ADAMTS19: variants seen among roughly 807,000 people sequenced by gnomAD.
ADAMTS19 encodes the protein A disintegrin and metalloproteinase with thrombospondin motifs 19.
Under a neutral mutation model 153.3 loss-of-function variants are expected in ADAMTS19, and 93 were observed. The ratio of observed to expected loss-of-function variants is 0.61; its 90% CI spans 0.51 to 0.72. The LOEUF is 0.72. ADAMTS19 is among the 30% of genes least tolerant of loss of function. The pLI is 0.00. For missense variants in ADAMTS19, 1,482 were observed against 1,552.1 expected (o/e 0.95, Z 0.76); for synonymous variants, 600 against 556.6 (o/e 1.08, Z -1.10).
chr5:129,518,178 A>G (rs2126742203), intron 3 of ADAMTS19, among the ~76,000 whole-genome samples: 1 of 152,156 alleles, frequency 6.6e-6, no homozygotes, highest in South Asian at 2.1e-4. Context: ...TATAGTTATT[A>G]GTTTTGATTG....
chr5:129,665,690 TC>T, intron 16 of ADAMTS19, 111 bp downstream of exon 16: 2 of 817,302 alleles, frequency 2.4e-6, no homozygotes, highest in Non-Finnish European at 3.6e-6. Flanking sequence ...TGTTTGAACT[TC>T]CCAGGAACTA....
intron 7 of ADAMTS19, among the ~76,000 whole-genome samples, chr5:129,560,276 C>A (rs562769402): frequency 2.8e-4 from 42 of 152,272 alleles, no homozygotes; most frequent in African/African-American, 9.6e-4. Flanking sequence ...TTAAAGTAGA[C>A]AAGTTTTCAT....
At chr5:129,620,002 C>T (rs1322011587) in intron 8 of ADAMTS19, among the ~76,000 whole-genome samples, 2 of 151,812 alleles carry the variant, frequency 1.3e-5, no homozygotes, top group African/African-American at 4.8e-5. Context: ...GAAAGGCAGT[C>T]TTTAGACGTA....
chr5:129,594,520 T>C (rs1293988118), intron 7 of ADAMTS19, among the ~76,000 whole-genome samples: 4 of 152,160 alleles, frequency 2.6e-5, no homozygotes, highest in African/African-American at 9.6e-5. Flanking sequence ...TATTTTATTT[T>C]CAAATGCTGT....
At chr5:129,679,555 G>C (rs1322729987) in intron 16 of ADAMTS19, among the ~76,000 whole-genome samples, 1 of 152,212 alleles carries the variant, frequency 6.6e-6, no homozygotes, top group Non-Finnish European at 1.5e-5. Context: ...TGGCTATATA[G>C]TTATGGACAA....
chr5:129,654,726 A>C (rs910135397), intron 14 of ADAMTS19, among the ~76,000 whole-genome samples: 6 of 152,130 alleles, frequency 3.9e-5, no homozygotes, highest in African/African-American at 1.4e-4. Flanking sequence ...CACTTTGGAC[A>C]TTTTATGTCA....
intron 16 of ADAMTS19, among the ~76,000 whole-genome samples, chr5:129,668,689 T>C (rs1229175972): frequency 6.6e-6 from 1 of 152,142 alleles, no homozygotes; most frequent in African/African-American, 2.4e-5. Flanking sequence ...ACCATTGCAG[T>C]AGCATTCATA....
intron 13 of ADAMTS19, among the ~76,000 whole-genome samples, chr5:129,649,945 A>C (rs776769705): frequency 3.9e-5 from 6 of 152,214 alleles, no homozygotes; most frequent in Non-Finnish European, 1.5e-5. Flanking sequence ...TGGGAGGCCA[A>C]GGCAAACAGA....
chr5:129,699,438 A>G (rs1755728105), intron 19 of ADAMTS19, among the ~76,000 whole-genome samples: 1 of 152,022 alleles, frequency 6.6e-6, no homozygotes, highest in Non-Finnish European at 1.5e-5. Flanking sequence ...AAAAAAAAAA[A>G]AAGAAAGACA....
chr5:129,618,455 T>C (rs1450860462), intron 8 of ADAMTS19, among the ~76,000 whole-genome samples: 1 of 152,032 alleles, frequency 6.6e-6, no homozygotes, highest in Non-Finnish European at 1.5e-5. Flanking sequence ...ATAGAATTAG[T>C]CTTAATTCAT....
chr5:129,696,407 A>G (rs1755552814), intron 19 of ADAMTS19, among the ~76,000 whole-genome samples: 1 of 152,194 alleles, frequency 6.6e-6, no homozygotes, highest in African/African-American at 2.4e-5. Context: ...GAGCGAAACT[A>G]CATCTAAAAA....
At chr5:129,619,798 GA>G (rs1751694420) in intron 8 of ADAMTS19, among the ~76,000 whole-genome samples, 1 of 152,016 alleles carries the variant, frequency 6.6e-6, no homozygotes, top group Admixed American at 6.6e-5. Context: ...GAAACACTTA[GA>G]AGGTAGAGTT....
At chr5:129,729,581 G>A (rs1757350815) in intron 21 of ADAMTS19, among the ~76,000 whole-genome samples, 1 of 151,812 alleles carries the variant, frequency 6.6e-6, no homozygotes, top group Admixed American at 6.6e-5. Flanking sequence ...TACTGTTTTA[G>A]TTTAATGAAT....
At chr5:129,622,977 G>C (rs1168552052) in intron 10 of ADAMTS19, among the ~76,000 whole-genome samples, 1 of 151,906 alleles carries the variant, frequency 6.6e-6, no homozygotes, top group African/African-American at 2.4e-5. Flanking sequence ...AGGGCCAACT[G>C]TATTTTCTTA....
chr5:129,558,317 G>A (rs1753383539), intron 7 of ADAMTS19, among the ~76,000 whole-genome samples: 1 of 152,058 alleles, frequency 6.6e-6, no homozygotes, highest in South Asian at 2.1e-4. Context: ...AATAGTAGGA[G>A]AGTTTAATTG....
chr5:129,605,425 A>G (rs1750846082), intron 8 of ADAMTS19, among the ~76,000 whole-genome samples: 1 of 152,158 alleles, frequency 6.6e-6, no homozygotes, highest in Non-Finnish European at 1.5e-5. Context: ...CTTTCCTTTG[A>G]TTTCTGCCTG....
chr5:129,600,104 A>C (rs1750576686), intron 8 of ADAMTS19, among the ~76,000 whole-genome samples: 1 of 152,190 alleles, frequency 6.6e-6, no homozygotes, highest in South Asian at 2.1e-4. Context: ...AGAAATGAAG[A>C]AAGAAGAATA....
rs1382531361 is a variant in ADAMTS19, at chr5:129,704,434, T to C, written c.3312+43T>C. 4 of 1,592,410 alleles carry C rather than the reference T, an allele frequency of 2.5e-6. No homozygotes were observed. In the African/African-American group the frequency reaches 4.0e-5, roughly 16 times the overall value. On this transcript the variant is annotated intron_variant, in intron 21 of 22. Coordinates refer to ENST00000274487, the MANE Select transcript of ADAMTS19 (RefSeq NM_133638.6). The stretch of plus-strand genomic sequence containing the variant: ...TATTCTCAGTAATAGGTTTCAATAA[T>C]GTCAGCATTGCCCTGGGTACTATAA...
chr5:129,565,149 T>A (rs2126851683), intron 7 of ADAMTS19, among the ~76,000 whole-genome samples: 1 of 152,322 alleles, frequency 6.6e-6, no homozygotes, highest in Admixed American at 6.5e-5. Flanking sequence ...ATTTCTATAA[T>A]TTAGATTTTT....
Sources: gnomAD v4.1 joint callset for allele counts (sites outside exome capture counted in the v4.1 genomes callset) on GRCh38, gnomAD v4.1.1 for gene constraint, MANE v1.5 for transcripts, NCBI Gene and HGNC (gene_info 2026-07-23, HGNC 2026-07-21) for gene names.